SAMSN1: variants seen among roughly 807,000 people sequenced by gnomAD.
The protein encoded by SAMSN1 is SAM domain, SH3 domain and nuclear localization signals 1, also known as SAM domain-containing protein SAMSN-1.
Under a neutral mutation model 42.0 loss-of-function variants are expected in SAMSN1, and 31 were observed. The observed-to-expected ratio is 0.74, with a 90% CI of 0.55 to 1.00. The LOEUF is 1.00. Among genes scored for constraint, SAMSN1 ranks in the 50% least tolerant of loss-of-function variants. SAMSN1 has a pLI of 0.00. For missense variants in SAMSN1, 464 were observed against 439.4 expected, an observed-to-expected ratio of 1.06 and a Z score of -0.50; for synonymous variants, 178 against 151.9, an observed-to-expected ratio of 1.17 and a Z score of -1.26.
At chr21:14,609,757 G>A (rs1982657902) in intron 4 of SAMSN1, among the ~76,000 whole-genome samples, 2 of 152,310 alleles carry the variant, frequency 1.3e-5, no homozygotes, top group African/African-American at 4.8e-5. Context: ...TGAAGCCATG[G>A]CAGAAGAACA....
intron 2 of SAMSN1, among the ~76,000 whole-genome samples, chr21:14,632,702 T>C (rs1983361929): frequency 2.0e-5 from 3 of 152,204 alleles, no homozygotes; most frequent in Admixed American, 1.3e-4. Flanking sequence ...GGGTTCTCTG[T>C]TCCATGGTCA....
At chr21:14,520,375 A>G (rs1380420532) in intron 2 of SAMSN1, among the ~76,000 whole-genome samples, 1 of 152,196 alleles carries the variant, frequency 6.6e-6, no homozygotes, top group Non-Finnish European at 1.5e-5. Context: ...ATATATATCT[A>G]TCAAATAATG....
At position 14,485,706 on chromosome 21, in the gene SAMSN1, A is replaced by G; in HGVS notation, c.*206T>C. ...AGCAAGTGAAATATTAACACATAGC[A>G]TTTAAAATAATAAATATATATTTTA... is the stretch of plus-strand genomic sequence containing the variant. On this transcript the variant is annotated 3_prime_UTR_variant, in exon 8 of 8. Transcript: ENST00000400566. The G allele has an allele frequency of 4.5e-6, 2 of 444,694 alleles. No homozygotes were observed. The highest frequency in any genetic ancestry group is 7.9e-6 in the Non-Finnish European group (2 of 251,890). The allele number at this position is 444,694 out of a possible 1,614,324, so 27.5% of individuals were successfully genotyped here.
At chr21:14,502,479 T>G (rs1987208439) in intron 5 of SAMSN1, among the ~76,000 whole-genome samples, 1 of 152,206 alleles carries the variant, frequency 6.6e-6, no homozygotes, top group Non-Finnish European at 1.5e-5. Flanking sequence ...AGACTCAATT[T>G]CATTTTGGAT....
At chr21:14,487,342 ATT>A (rs1491375603) in intron 7 of SAMSN1, among the ~76,000 whole-genome samples, 23 of 129,870 alleles carry the variant, frequency 1.8e-4, no homozygotes, top group East Asian at 1.3e-3. Context: ...TATCTTATTT[ATT>A]TTTTATATAT....
intron 1 of SAMSN1, among the ~76,000 whole-genome samples, chr21:14,522,290 T>C (rs577903682): frequency 1.3e-5 from 2 of 152,340 alleles, no homozygotes; most frequent in Non-Finnish European, 2.9e-5. Flanking sequence ...TTTTGAGTCA[T>C]TGAGTCAAAA....
At chr21:14,504,251 A>C (rs1169277866) in intron 5 of SAMSN1, among the ~76,000 whole-genome samples, 2 of 152,212 alleles carry the variant, frequency 1.3e-5, no homozygotes, top group Non-Finnish European at 2.9e-5. Flanking sequence ...CCAAACCAAG[A>C]AGAAATCCCT....
intron 6 of SAMSN1, chr21:14,594,574 C>T (rs1982199904): frequency 1.3e-5 from 2 of 152,248 alleles, no homozygotes; most frequent in African/African-American, 4.8e-5. Context: ...ATTAATATCT[C>T]AAGTCATAGT....
chr21:14,539,568 T>A, intron 1 of SAMSN1, among the ~76,000 whole-genome samples: 1 of 151,554 alleles, frequency 6.6e-6, no homozygotes, highest in Non-Finnish European at 1.5e-5. Context: ...ATAAAATAAA[T>A]AGGAATCCAA....
intron 2 of SAMSN1, among the ~76,000 whole-genome samples, chr21:14,574,745 T>C (rs1397323672): frequency 6.6e-6 from 1 of 152,162 alleles, no homozygotes; most frequent in Non-Finnish European, 1.5e-5. Flanking sequence ...GTAAAATGTT[T>C]TATTGGAAAA....
chr21:14,628,083 TA>T (rs1483535164), intron 2 of SAMSN1, among the ~76,000 whole-genome samples: 1 of 152,050 alleles, frequency 6.6e-6, no homozygotes, highest in Non-Finnish European at 1.5e-5. Context: ...CAATAAGACT[TA>T]AAAATATCAA....
At chr21:14,633,970 A>AT (rs1446821643) in intron 2 of SAMSN1, among the ~76,000 whole-genome samples, 2 of 152,116 alleles carry the variant, frequency 1.3e-5, no homozygotes, top group African/African-American at 4.8e-5. Flanking sequence ...AATTTAATGG[A>AT]TTTTTCCAGT....
chr21:14,550,815 G>C (rs567176412), upstream of SAMSN1, among the ~76,000 whole-genome samples: 1 of 152,240 alleles, frequency 6.6e-6, no homozygotes, highest in Admixed American at 6.6e-5. Flanking sequence ...AGAGCTTAGT[G>C]AGCTTTGAGT....
At chr21:14,637,215 G>T (rs917350407) in intron 2 of SAMSN1, among the ~76,000 whole-genome samples, 2 of 151,578 alleles carry the variant, frequency 1.3e-5, no homozygotes, top group African/African-American at 4.8e-5. Context: ...GATTTTTTTC[G>T]CTGGGACTGA....
At chr21:14,584,446 T>C (rs1318045467), upstream of SAMSN1, among the ~76,000 whole-genome samples, 2 of 152,204 alleles carry the variant, frequency 1.3e-5, no homozygotes, top group Admixed American at 6.5e-5. Flanking sequence ...TTAATGACTC[T>C]TGTTTTCTTT....
intron 2 of SAMSN1, among the ~76,000 whole-genome samples, chr21:14,620,872 A>G (rs1412973757): frequency 1.3e-5 from 2 of 152,244 alleles, no homozygotes; most frequent in African/African-American, 4.8e-5. Flanking sequence ...GTAAATATGT[A>G]TAACACACAT....
chr21:14,515,315 A>C (rs568337815), intron 3 of SAMSN1, among the ~76,000 whole-genome samples: 1 of 152,284 alleles, frequency 6.6e-6, no homozygotes, highest in East Asian at 1.9e-4. Flanking sequence ...AAGTAAACTC[A>C]CTTATTTATG....
rs1987116766 is a variant in SAMSN1, at chr21:14,500,704, G to A, written c.593C>T (p.Thr198Ile). 1.2e-6 allele frequency: 2 copies of A among 1,613,964 alleles called. No individual in the cohort carries two copies. The highest frequency in any genetic ancestry group is 1.7e-6 in the Non-Finnish European group (2 of 1,179,890). Reference sequence around the variant, plus strand: ...CATTCCTGTCCACATCCCCATTGGTGTTTTGCAAATAATGTCTATGATGTC... The same window carrying A: ...CATTCCTGTCCACATCCCCATTGGTATTTTGCAAATAATGTCTATGATGTC... ...KGDIIDIICK[T>I]PMGMWTGMLN... Residue 198 changes from threonine (T) to isoleucine (I), a missense_variant, in exon 6 of 8, where the codon ACA becomes ATA. Physicochemically the swap from Thr to Ile is moderately conservative, Grantham distance 89. Transcript: ENST00000400566.
At chr21:14,487,616 G>A (rs946415034) in intron 7 of SAMSN1, among the ~76,000 whole-genome samples, 1 of 152,130 alleles carries the variant, frequency 6.6e-6, no homozygotes, top group African/African-American at 2.4e-5. Flanking sequence ...TACTGGTTGA[G>A]AAAGGCTGGA....
Sources: allele counts gnomAD v4.1 joint callset (sites outside exome capture counted in the v4.1 genomes callset), GRCh38; gene constraint gnomAD v4.1.1; transcripts MANE v1.5; gene names NCBI Gene and HGNC (gene_info 2026-07-23, HGNC 2026-07-21).